GP6: variants seen among roughly 807,000 people sequenced by gnomAD.
GP6 encodes the protein glycoprotein VI platelet.
Under a neutral mutation model 37.3 loss-of-function variants are expected in GP6, and 45 were observed. The ratio of observed to expected loss-of-function variants is 1.21; its 90% CI spans 0.95 to 1.55. GP6 has a LOEUF of 1.55. Among genes scored for constraint, GP6 ranks in the 40% most tolerant of loss-of-function variants. The pLI, the probability that GP6 is intolerant of heterozygous loss-of-function variation, is 0.00. For missense variants in GP6, 813 were observed against 760.2 expected (o/e 1.07, Z -0.82); for synonymous variants, 340 against 316.4 (o/e 1.07, Z -0.79).
At chr19:55,034,150 A>ATGTG (rs61435060) in intron 1 of GP6, among the ~76,000 whole-genome samples, 15,910 of 149,148 alleles carry the variant, frequency 0.11, 947 homozygotes, top group East Asian at 0.21. Context: ...ATATGTATGC[A>ATGTG]TGTGTGTGTG....
chr19:55,037,574 T>C (rs2074880051), intron 1 of GP6, among the ~76,000 whole-genome samples: 1 of 147,690 alleles, frequency 6.8e-6, no homozygotes, highest in African/African-American at 2.5e-5. Flanking sequence ...CGACCTCAGA[T>C]GGCCCACCCG....
intron 4 of GP6, 63 bp downstream of exon 4, chr19:55,027,515 T>G (rs548673406): frequency 7.4e-7 from 1 of 1,348,430 alleles, no homozygotes; most frequent in Non-Finnish European, 1.1e-6. Flanking sequence ...GGCCCCTCCC[T>G]TGGAATGGCC....
intron 1 of GP6, chr19:55,032,888 T>TG (rs2074626834): frequency 5.7e-6 from 2 of 350,156 alleles, no homozygotes; most frequent in Non-Finnish European, 5.2e-6. Context: ...TTAGACACGG[T>TG]GGACTCGTTC....
rs1425754822 is a variant in GP6 at position 55,014,230 on chromosome 19, A to T, written c.1715T>A (p.Leu572His). 3 of 854,140 alleles carry T rather than the reference A, an allele frequency of 3.5e-6. No individual in the cohort carries two copies. Among genetic ancestry groups the T allele is most frequent in the Non-Finnish European group, 5.9e-6 (3 of 504,616 alleles). The allele number at this position is 854,140 out of a possible 1,614,324, so 52.9% of individuals were successfully genotyped here. ...GCCATTCTCCCACCTCAGCCCCCTG[A>T]GTTGCTGGGAGTATAGGGATGCACC... is the stretch of plus-strand genomic sequence containing the variant. The change falls in exon 8 of 8, where the codon CTC becomes CAC. Residue 572 changes from leucine (L) to histidine (H), a missense_variant. Transcript: ENST00000310373.
chr19:55,024,251 A>AGCGCAT (rs1157718695), intron 5 of GP6, among the ~76,000 whole-genome samples: 2 of 56,026 alleles, frequency 3.6e-5, no homozygotes, highest in Non-Finnish European at 9.4e-5. Context: ...TTCAGTCAGA[A>AGCGCAT]GCACACGCAC....
intron 5 of GP6, among the ~76,000 whole-genome samples, chr19:55,022,619 C>T (rs575635729): frequency 9.2e-5 from 14 of 152,210 alleles, no homozygotes; most frequent in Non-Finnish European, 1.6e-4. Flanking sequence ...CCCATCATCT[C>T]AGCCCAAAAG....
At position 55,014,956 on chromosome 19, in the gene GP6, G is replaced by A. The variant is rs368858591; in HGVS notation, c.989C>T (p.Pro330Leu). The A allele has an allele frequency of 4.0e-5, 65 of 1,613,444 alleles. No individual in the cohort carries two copies. The highest frequency in any genetic ancestry group is 2.4e-4 in the South Asian group (22 of 91,036). The change falls in exon 8 of 8, where the codon CCG (proline) becomes CTG (leucine). Residue 330 changes from proline to leucine, a missense_variant. Transcript: ENST00000310373. Reference sequence around the variant, plus strand: ...AACCCGCGGCTGTGAACATCCTGTCGGCCTCCATCCTGACCCCCGTTTGAT... The same window carrying A: ...AACCCGCGGCTGTGAACATCCTGTCAGCCTCCATCCTGACCCCCGTTTGAT...
chr19:55,032,225 C>T lies in GP6; in HGVS notation c.239G>A (p.Arg80Lys). The T allele has an allele frequency of 1.9e-6, 3 of 1,614,182 alleles. No homozygotes were observed. The highest frequency in any genetic ancestry group is 2.5e-6 in the Non-Finnish European group (3 of 1,180,016). The change falls in exon 3 of 8, where the codon AGA becomes AAA. Residue 80 changes from arginine (R) to lysine (K), a missense_variant. Transcript: ENST00000310373. ...GCAGCGGTAGCGTCCAGCCAGACTT[C>T]TCTTCATGGCCGGGATGAAGAGGAC...
chr19:55,034,684 C>T (rs2074759717), intron 1 of GP6, among the ~76,000 whole-genome samples: 1 of 150,960 alleles, frequency 6.6e-6, no homozygotes, highest in Non-Finnish European at 1.5e-5. Flanking sequence ...TTTAACCAGG[C>T]ATCCAGTGTT....
rs1654427 is a variant in GP6, at chr19:55,031,259, C to T, written c.325+880G>A. On this transcript the variant is annotated intron_variant, in intron 3 of 7. Coordinates refer to ENST00000310373, the MANE Select transcript of GP6 (RefSeq NM_001083899.2). ...AACTTTTCTGTCAGTCTAAAAATTA[C>T]TCCAAAACAAAGTTTTAAAAAGAAT... Among the ~76,000 whole-genome samples, 704 of 152,286 alleles carry T rather than the reference C, an allele frequency of 4.6e-3. 8 individuals are homozygous for T. The highest frequency in any genetic ancestry group is 0.016 in the African/African-American group (673 of 41,574).
chr19:55,024,019 G>A (rs2074177440), intron 5 of GP6, among the ~76,000 whole-genome samples: 1 of 152,224 alleles, frequency 6.6e-6, no homozygotes. Context: ...TCTGTACAGT[G>A]ACTGCGGTGA....
intron 3 of GP6, among the ~76,000 whole-genome samples, chr19:55,031,601 A>AT (rs1217856426): frequency 6.6e-6 from 1 of 151,950 alleles, no homozygotes; most frequent in South Asian, 2.1e-4. Flanking sequence ...ATTTATTTTG[A>AT]TTTTTTTAAA....
chr19:55,034,777 C>T (rs2074765899), intron 1 of GP6, among the ~76,000 whole-genome samples: 2 of 151,452 alleles, frequency 1.3e-5, no homozygotes, highest in Non-Finnish European at 2.9e-5. Flanking sequence ...CCACTGTAAA[C>T]ATAAGGAAAC....
At chr19:55,019,167 G>A (rs572780908) in intron 5 of GP6, among the ~76,000 whole-genome samples, 11 of 147,822 alleles carry the variant, frequency 7.4e-5, no homozygotes, top group South Asian at 6.4e-4. Flanking sequence ...GTGCAGTGGC[G>A]CGATCTCAGC....
In GP6 at chr19:55,015,045, C is replaced by T. The variant is rs781050416; in HGVS notation, c.900G>A (p.Ala300=). ...CCTCTGCACAGCCCTGCCCCTGTGCCGCAGGCGCTTCCTCCGGCTGTGCCA... is the reference window on the plus strand; with the variant it reads ...CCTCTGCACAGCCCTGCCCCTGTGCTGCAGGCGCTTCCTCCGGCTGTGCCA... The change falls in exon 8 of 8, where the codon GCG becomes GCA. Residue 300 remains alanine (A), a synonymous_variant. Coordinates refer to ENST00000310373, the MANE Select transcript of GP6 (RefSeq NM_001083899.2). The T allele has an allele frequency of 1.1e-4, 181 of 1,608,988 alleles. No individual in the cohort carries two copies. Among genetic ancestry groups the T allele is most frequent in the Middle Eastern group, 1.6e-4 (1 of 6,078 alleles).
In GP6 at chr19:55,027,825, G is replaced by C. The variant is rs79133006; in HGVS notation, c.363C>G (p.Gly121=). Residue 121 remains glycine, a synonymous_variant, in exon 4 of 8, where the codon GGC becomes GGG. Coordinates refer to ENST00000310373, the MANE Select transcript of GP6 (RefSeq NM_001083899.2). ...CGTCCCCTCCTGACGACACCGCCGG[G>C]CCGGGCTGGGCTGAGAGCGAGGGTT... is the stretch of plus-strand genomic sequence containing the variant. 2,198 of 1,614,188 alleles carry C rather than the reference G, an allele frequency of 1.4e-3. 24 individuals carry two copies. In the African/African-American group the frequency reaches 0.026, roughly 19 times the overall value.
chr19:55,034,149 C>T (rs79783725), intron 1 of GP6, among the ~76,000 whole-genome samples: 5 of 71,942 alleles, frequency 7.0e-5, no homozygotes, highest in South Asian at 3.8e-4. Flanking sequence ...TATATGTATG[C>T]ATGTGTGTGT....
Position 55,027,563 on chromosome 19 carries a change from C to A in GP6, c.610+15G>T. 6.2e-7 allele frequency: 1 copy of A among 1,607,836 alleles called. No individual in the cohort carries two copies. The highest frequency in any genetic ancestry group is 8.5e-7 in the Non-Finnish European group (1 of 1,174,946). ...AAAGGCTGAGGAAGAAAGGTTTGGT[C>A]TGCACTACCCCTACCTGTGACCACA... On this transcript the variant is annotated intron_variant, in intron 4 of 7. Coordinates refer to ENST00000310373, the MANE Select transcript of GP6 (RefSeq NM_001083899.2).
chr19:55,032,653 T>G (rs759936767), intron 1 of GP6, 115 bp from the exon 2 acceptor site: 1 of 1,104,628 alleles, frequency 9.1e-7, no homozygotes, highest in Non-Finnish European at 1.4e-6. Flanking sequence ...CCTAATAATT[T>G]CTTCAAAAGA....
Sources: allele counts gnomAD v4.1 joint callset (sites outside exome capture counted in the v4.1 genomes callset), GRCh38; gene constraint gnomAD v4.1.1; transcripts MANE v1.5; gene names NCBI Gene and HGNC (gene_info 2026-07-23, HGNC 2026-07-21).